The following CDH11 variants were observed in gnomAD, a reference collection of about 807,000 sequenced individuals.
CDH11 encodes cadherin 11, also known as cadherin-11.
CDH11 carries 11 observed loss-of-function variants against 67.8 expected under a neutral mutation model. That is an observed-to-expected ratio of 0.16 (90% confidence interval 0.10 to 0.27). The LOEUF is 0.27. Among genes scored for constraint, CDH11 ranks in the 10% least tolerant of loss-of-function variants. CDH11 has a pLI of 1.00. For missense variants in CDH11, 847 were observed against 1,031.2 expected (o/e 0.82, Z 2.45); for synonymous variants, 419 against 400.0 (o/e 1.05, Z -0.57).
At chr16:65,059,469 C>A (rs1314923922) in intron 1 of CDH11, 1 of 152,152 alleles carries the variant, frequency 6.6e-6, no homozygotes, top group Non-Finnish European at 1.5e-5. Flanking sequence ...TCCAAAGCGC[C>A]GATGGACGGG....
intron 1 of CDH11, among the ~76,000 whole-genome samples, chr16:65,093,475 A>G (rs1253646707): frequency 1.3e-5 from 2 of 152,098 alleles, no homozygotes; most frequent in Non-Finnish European, 2.9e-5. Context: ...GGGTGGTTCT[A>G]GAACAATCAG....
intron 4 of CDH11, 126 bp downstream of exon 4, chr16:64,998,416 ACAAAAGAATTTTTGTTCCTT>A: frequency 1.3e-6 from 1 of 754,584 alleles, no homozygotes; most frequent in Non-Finnish European, 2.2e-6. Context: ...TTACAGAGGA[ACAAAAGAATTTTTGTTCCTT>A]TTGTTATTTT....
chr16:65,002,331 A>G (rs1254172504), intron 3 of CDH11, among the ~76,000 whole-genome samples: 1 of 152,116 alleles, frequency 6.6e-6, no homozygotes, highest in Non-Finnish European at 1.5e-5. Context: ...CAATCTGAAC[A>G]CACACACTGC....
intron 5 of CDH11, among the ~76,000 whole-genome samples, chr16:64,992,317 A>G (rs2072648818): frequency 6.6e-6 from 1 of 152,190 alleles, no homozygotes; most frequent in East Asian, 1.9e-4. Context: ...ATTCATGGAA[A>G]TGTTTTGATG....
In CDH11 at chr16:64,945,949, C is replaced by G; in HGVS notation, c.*1654G>C. ...CAGTGTGACTTTATGTGGTCTTTCC[C>G]CAAGTATTGCTACGTTTTGACCTTT... is the stretch of plus-strand genomic sequence containing the variant. On this transcript the variant is annotated 3_prime_UTR_variant, in exon 13 of 13. Coordinates refer to ENST00000268603, the MANE Select transcript of CDH11 (RefSeq NM_001797.4). 1 of 1,058,214 alleles carries G rather than the reference C, an allele frequency of 9.4e-7. No individual in the cohort carries two copies. Among genetic ancestry groups the G allele is most frequent in the Non-Finnish European group, 1.1e-6 (1 of 874,972 alleles). The allele number at this position is 1,058,214 out of a possible 1,614,324, so 65.6% of individuals were successfully genotyped here.
intron 2 of CDH11, among the ~76,000 whole-genome samples, chr16:65,016,268 G>T (rs2073306317): frequency 1.3e-5 from 2 of 151,932 alleles, no homozygotes; most frequent in Admixed American, 1.3e-4. Flanking sequence ...TCCAATCTTT[G>T]AAACCTATTT....
At chr16:65,122,145 C>CTGGGGGGGGGGGGAGGGGGGGGGG, upstream of CDH11, 1 of 120,058 alleles carries the variant, frequency 8.3e-6, no homozygotes, top group Non-Finnish European at 1.7e-5. Flanking sequence ...GCGGGGGGGG[C>CTGGGGGGGGGGGGAGGGGGGGGGG]GGGAGGAGGG....
intron 11 of CDH11, among the ~76,000 whole-genome samples, chr16:64,970,895 A>G (rs2071985828): frequency 6.6e-6 from 1 of 152,204 alleles, no homozygotes; most frequent in African/African-American, 2.4e-5. Context: ...TAAAAAATAT[A>G]TACATATATT....
chr16:64,988,630 A>G (rs1219759691), intron 6 of CDH11, among the ~76,000 whole-genome samples: 1 of 152,166 alleles, frequency 6.6e-6, no homozygotes, highest in Non-Finnish European at 1.5e-5. Flanking sequence ...TACATTTCCC[A>G]TCAGGTAATG....
intron 2 of CDH11, among the ~76,000 whole-genome samples, chr16:65,051,750 C>G (rs1340646430): frequency 6.6e-6 from 1 of 152,148 alleles, no homozygotes; most frequent in African/African-American, 2.4e-5. Context: ...AGGGGCTCTC[C>G]TCCCTTAACA....
At chr16:65,014,387 C>G (rs187969459) in intron 2 of CDH11, among the ~76,000 whole-genome samples, 17 of 152,246 alleles carry the variant, frequency 1.1e-4, no homozygotes, top group African/African-American at 4.1e-4. Flanking sequence ...AAAATCGTAT[C>G]ATTTTAACAT....
chr16:65,075,235 A>G (rs1044630834), intron 1 of CDH11, among the ~76,000 whole-genome samples: 19 of 152,202 alleles, frequency 1.2e-4, no homozygotes, highest in Admixed American at 1.1e-3. Context: ...AATTGTCACC[A>G]TGCTGGGGGA....
At chr16:65,000,304 T>C (rs1336055331) in intron 3 of CDH11, among the ~76,000 whole-genome samples, 1 of 152,188 alleles carries the variant, frequency 6.6e-6, no homozygotes, top group Admixed American at 6.5e-5. Flanking sequence ...CGCCTTGTTG[T>C]TCAATCTCAA....
intron 6 of CDH11, among the ~76,000 whole-genome samples, chr16:64,989,807 T>C (rs1217908420): frequency 6.6e-6 from 1 of 152,222 alleles, no homozygotes; most frequent in African/African-American, 2.4e-5. Flanking sequence ...GAAGCCAGGG[T>C]TGAAAATCTT....
chr16:65,080,714 A>G (rs1347765142), intron 1 of CDH11, among the ~76,000 whole-genome samples: 1 of 152,194 alleles, frequency 6.6e-6, no homozygotes, highest in Admixed American at 6.5e-5. Context: ...TCTGTATTAA[A>G]ATATTAAAAT....
chr16:65,096,151 C>T (rs16968466), intron 1 of CDH11, among the ~76,000 whole-genome samples: 9,785 of 152,070 alleles, frequency 0.064, 515 homozygotes, highest in African/African-American at 0.15. Flanking sequence ...AACATTTTAT[C>T]GCAAGCATAC....
At chr16:65,002,643 T>A (rs2142522449) in intron 3 of CDH11, among the ~76,000 whole-genome samples, 1 of 152,370 alleles carries the variant, frequency 6.6e-6, no homozygotes. Flanking sequence ...GATTCTAACA[T>A]TAATCTCCTT....
At chr16:65,029,697 T>G (rs1305358092) in intron 2 of CDH11, among the ~76,000 whole-genome samples, 1 of 152,248 alleles carries the variant, frequency 6.6e-6, no homozygotes, top group Non-Finnish European at 1.5e-5. Context: ...TTGTTTATAC[T>G]GGATGAATGA....
chr16:64,999,524 T>G (rs1292533708), intron 3 of CDH11, among the ~76,000 whole-genome samples: 15 of 152,042 alleles, frequency 9.9e-5, no homozygotes, highest in Admixed American at 9.8e-4. Flanking sequence ...TTTAAAAAAT[T>G]TTTTGTTTTG....
Sources: allele counts gnomAD v4.1 joint callset (sites outside exome capture counted in the v4.1 genomes callset), GRCh38; gene constraint gnomAD v4.1.1; transcripts MANE v1.5; gene names NCBI Gene and HGNC (gene_info 2026-07-23, HGNC 2026-07-21).